Variants in R3HDM2 observed in about 807,000 individuals in gnomAD.
R3HDM2 encodes R3H domain containing 2.
R3HDM2 carries 38 observed loss-of-function variants against 124.5 expected under a neutral mutation model. That is an observed-to-expected ratio of 0.31 (90% CI 0.24 to 0.40). The LOEUF (loss-of-function observed/expected upper bound fraction) is 0.40, where lower values mean the gene tolerates loss of function less well. Among genes scored for constraint, R3HDM2 ranks in the 10% least tolerant of loss-of-function variants. The pLI, the probability that R3HDM2 is intolerant of heterozygous loss-of-function variation, is 1.00. For missense variants in R3HDM2, 869 were observed against 1,236.9 expected (o/e 0.70, Z 4.46); for synonymous variants, 391 against 448.0 (o/e 0.87, Z 1.61).
chr12:57,393,357 G>T (rs1248012318), intron 2 of R3HDM2, among the ~76,000 whole-genome samples: 1 of 152,094 alleles, frequency 6.6e-6, no homozygotes, highest in Non-Finnish European at 1.5e-5. Context: ...ACCTGCCTTG[G>T]CCTCCCAAGT....
intron 1 of R3HDM2, among the ~76,000 whole-genome samples, chr12:57,414,037 G>A (rs1323331292): frequency 1.3e-5 from 2 of 150,336 alleles, no homozygotes; most frequent in African/African-American, 4.9e-5. Flanking sequence ...TTAGTAGAGA[G>A]CGGGTTTCAT....
At chr12:57,391,006 C>A (rs1370408988) in intron 2 of R3HDM2, among the ~76,000 whole-genome samples, 1 of 150,230 alleles carries the variant, frequency 6.7e-6, no homozygotes, top group Non-Finnish European at 1.5e-5. Context: ...CAACAAAACT[C>A]CGTCTCAAAT....
chr12:57,350,434 G>A (rs573400315), intron 2 of R3HDM2, among the ~76,000 whole-genome samples: 1 of 152,006 alleles, frequency 6.6e-6, no homozygotes, highest in Non-Finnish European at 1.5e-5. Context: ...TGAAGCCTGA[G>A]ATAAACTTCC....
intron 10 of R3HDM2, among the ~76,000 whole-genome samples, chr12:57,294,578 G>C (rs2049328740): frequency 6.6e-6 from 1 of 152,122 alleles, no homozygotes. Flanking sequence ...CTAGAGGTAA[G>C]ATATTATTAT....
At chr12:57,315,894 T>A (rs1449023679) in intron 2 of R3HDM2, among the ~76,000 whole-genome samples, 4 of 152,126 alleles carry the variant, frequency 2.6e-5, no homozygotes, top group Non-Finnish European at 5.9e-5. Context: ...CCAAGGCAGG[T>A]GAATTGCTCA....
At chr12:57,427,868 C>T (rs970307626) in intron 1 of R3HDM2, among the ~76,000 whole-genome samples, 15 of 151,910 alleles carry the variant, frequency 9.9e-5, no homozygotes, top group African/African-American at 2.9e-4. Flanking sequence ...TTTGGGATTA[C>T]ACTTTGGGAG....
intron 1 of R3HDM2, among the ~76,000 whole-genome samples, chr12:57,401,549 C>A (rs2068051975): frequency 6.6e-6 from 1 of 152,206 alleles, no homozygotes; most frequent in African/African-American, 2.4e-5. Context: ...TGCCAGCCCA[C>A]TTAAATCATA....
intron 1 of R3HDM2, among the ~76,000 whole-genome samples, chr12:57,415,564 C>A (rs1245647379): frequency 9.2e-6 from 1 of 108,326 alleles, no homozygotes; most frequent in African/African-American, 3.5e-5. Context: ...GATCCAACAT[C>A]ACAAGGCCAG....
At chr12:57,273,453 T>C (rs2044019414) in intron 14 of R3HDM2, among the ~76,000 whole-genome samples, 1 of 152,092 alleles carries the variant, frequency 6.6e-6, no homozygotes. Flanking sequence ...GTAGGAGAGA[T>C]GAGAGAAGGA....
chr12:57,290,038 G>C (rs968114802), intron 11 of R3HDM2, among the ~76,000 whole-genome samples: 1 of 152,046 alleles, frequency 6.6e-6, no homozygotes, highest in Non-Finnish European at 1.5e-5. Flanking sequence ...AAATCTACAA[G>C]GATCTAACAA....
At chr12:57,284,334 A>G (rs1360843581) in intron 12 of R3HDM2, among the ~76,000 whole-genome samples, 1 of 152,196 alleles carries the variant, frequency 6.6e-6, no homozygotes, top group Non-Finnish European at 1.5e-5. Flanking sequence ...GAAACCATAT[A>G]CATGATGCTG....
chr12:57,394,849 T>C (rs1046900547), intron 2 of R3HDM2, among the ~76,000 whole-genome samples: 4 of 152,232 alleles, frequency 2.6e-5, no homozygotes, highest in Non-Finnish European at 1.5e-5. Flanking sequence ...TAGTTATACA[T>C]ATTTAACTTA....
intron 20 of R3HDM2, among the ~76,000 whole-genome samples, 173 bp from the exon 21 acceptor site, chr12:57,258,310 TTTTATTTATTTA>T (rs201590705): frequency 0.064 from 9,298 of 145,036 alleles, 839 homozygotes; most frequent in African/African-American, 0.2. Flanking sequence ...ATTTATGCTA[TTTTATTTATTTA>T]TTTATTTATT....
At chr12:57,371,124 C>T in intron 2 of R3HDM2, among the ~76,000 whole-genome samples, 1 of 73,224 alleles carries the variant, frequency 1.4e-5, no homozygotes, top group Non-Finnish European at 2.6e-5. Context: ...AAGATACACA[C>T]ACAAACTCAG....
chr12:57,333,816 G>A (rs1354394561), intron 2 of R3HDM2, among the ~76,000 whole-genome samples: 1 of 151,976 alleles, frequency 6.6e-6, no homozygotes, highest in Non-Finnish European at 1.5e-5. Flanking sequence ...GCTGAGGCGG[G>A]TGGATGACGA....
chr12:57,255,907 C>A, intron 23 of R3HDM2, 83 bp downstream of exon 23: 1 of 1,279,930 alleles, frequency 7.8e-7, no homozygotes, highest in South Asian at 1.4e-5. Context: ...CCTAAGCTGG[C>A]TTTTCCCACC....
At chr12:57,364,673 G>T (rs2062381611) in intron 2 of R3HDM2, among the ~76,000 whole-genome samples, 1 of 152,002 alleles carries the variant, frequency 6.6e-6, no homozygotes, top group Non-Finnish European at 1.5e-5. Context: ...AAGGACACCA[G>T]GCGGGGCGCA....
At chr12:57,330,510 A>C (rs571624900) in intron 2 of R3HDM2, among the ~76,000 whole-genome samples, 97 of 138,348 alleles carry the variant, frequency 7.0e-4, no homozygotes, top group Non-Finnish European at 1.4e-3. Context: ...CGCCCAGCTA[A>C]TTTTTTGTAT....
intron 11 of R3HDM2, among the ~76,000 whole-genome samples, chr12:57,292,155 A>G (rs182732876): frequency 1.3e-5 from 2 of 152,322 alleles, no homozygotes; most frequent in East Asian, 3.9e-4. Context: ...GTCAAACAAG[A>G]TGAATGTACA....
Sources: gnomAD v4.1 joint callset for allele counts (sites outside exome capture counted in the v4.1 genomes callset) on GRCh38, gnomAD v4.1.1 for gene constraint, MANE v1.5 for transcripts, NCBI Gene and HGNC (gene_info 2026-07-23, HGNC 2026-07-21) for gene names.